Variants in CEP95 observed in about 807,000 individuals in gnomAD.
CEP95 encodes centrosomal protein 95.
Under a neutral mutation model 111.2 loss-of-function variants are expected in CEP95, and 98 were observed. The ratio of observed to expected loss-of-function variants is 0.88; its 90% CI spans 0.75 to 1.04. CEP95 has a LOEUF of 1.04. Ranked by LOEUF, CEP95 falls within the 50% of genes least tolerant of loss-of-function variation. The probability of loss-of-function intolerance (pLI) is 0.00; values close to 1 mark genes in which losing one functional copy is unlikely to be tolerated. For missense variants in CEP95, 1,027 were observed against 977.2 expected (o/e 1.05, Z -0.68); for synonymous variants, 323 against 327.1 (o/e 0.99, Z 0.14).
At chr17:64,512,716 C>T (rs1206145464) in intron 3 of CEP95, among the ~76,000 whole-genome samples, 4 of 152,132 alleles carry the variant, frequency 2.6e-5, no homozygotes, top group Non-Finnish European at 5.9e-5. Flanking sequence ...GAATAAAATA[C>T]TCTTCTGTCT....
At chr17:64,518,120 G>A (rs1598201593) in intron 5 of CEP95, among the ~76,000 whole-genome samples, 1 of 151,998 alleles carries the variant, frequency 6.6e-6, no homozygotes, top group East Asian at 1.9e-4. Context: ...CAAGTGATCC[G>A]CCTGCCTCAG....
chr17:64,531,827 AGAT>A, intron 13 of CEP95, 60 bp from the exon 14 acceptor site: 2 of 1,226,860 alleles, frequency 1.6e-6, no homozygotes, highest in Non-Finnish European at 2.2e-6. Context: ...GTAATATTTA[AGAT>A]GATGTATGAA....
intron 9 of CEP95, 81 bp from the exon 10 acceptor site, chr17:64,525,989 GT>G: frequency 6.6e-7 from 1 of 1,516,992 alleles, no homozygotes; most frequent in Non-Finnish European, 8.9e-7. Flanking sequence ...TGAAGTATTT[GT>G]TAAAGTACGT....
chr17:64,521,333 C>CT, intron 6 of CEP95, 69 bp from the exon 7 acceptor site: 2 of 1,178,402 alleles, frequency 1.7e-6, no homozygotes, highest in Non-Finnish European at 2.4e-6. Context: ...AAACTCTTGG[C>CT]TTTTAGTATA....
At chr17:64,531,845 CTG>C in intron 13 of CEP95, 43 bp from the exon 14 acceptor site, 1 of 1,382,814 alleles carries the variant, frequency 7.2e-7, no homozygotes, top group Non-Finnish European at 9.7e-7. Context: ...TATGAAAGAA[CTG>C]TTAGACCTTT....
At chr17:64,533,055 T>C in intron 15 of CEP95, 47 bp downstream of exon 15, 1 of 1,604,950 alleles carries the variant, frequency 6.2e-7, no homozygotes, top group South Asian at 1.1e-5. Context: ...TGAGAAGAGC[T>C]TATCCTTAAG....
chr17:64,517,323 A>G (rs1555676600), intron 5 of CEP95, among the ~76,000 whole-genome samples: 1 of 152,246 alleles, frequency 6.6e-6, no homozygotes, highest in Non-Finnish European at 1.5e-5. Flanking sequence ...CTGGGATTAC[A>G]GGCATGAGCC....
intron 6 of CEP95, among the ~76,000 whole-genome samples, chr17:64,521,045 C>G (rs1422358120): frequency 6.6e-6 from 1 of 152,050 alleles, no homozygotes; most frequent in East Asian, 1.9e-4. Flanking sequence ...GAGTTCGAGA[C>G]CAGCCTGGCC....
chr17:64,536,973 T>TTA (rs1968697498), intron 18 of CEP95, 68 bp from the exon 19 acceptor site: 14 of 1,443,590 alleles, frequency 9.7e-6, no homozygotes, highest in Middle Eastern at 1.8e-4. Flanking sequence ...CCTGTGAACA[T>TTA]TAAGAAATGT....
At chr17:64,516,123 G>A (rs1373239773) in intron 4 of CEP95, 1 of 152,218 alleles carries the variant, frequency 6.6e-6, no homozygotes, top group Non-Finnish European at 1.5e-5. Context: ...AGAAAAAAAT[G>A]AAGGTGGGTG....
Position 64,514,239 on chromosome 17 carries a change from T to C in CEP95, c.257-9T>C. 2 of 1,108,994 alleles carry C rather than the reference T, an allele frequency of 1.8e-6. No individual in the cohort carries two copies. The highest frequency in any genetic ancestry group is 2.8e-5 in the South Asian group (2 of 72,564). 68.7% of individuals were successfully genotyped at this position (1,108,994 alleles called of 1,614,324 possible). A position where few individuals can be genotyped will look rare whatever the true frequency, so the allele number is the denominator to read the frequency against. On this transcript the variant is annotated splice_polypyrimidine_tract_variant and intron_variant, in intron 3 of 19. Coordinates refer to ENST00000556440, the MANE Select transcript of CEP95 (RefSeq NM_138363.3). ...TAAATTTTTTAATAGCTCTATATTCTGTCTCCAGGAGAAAATATAGTGAAA... is the reference window on the plus strand; with the variant it reads ...TAAATTTTTTAATAGCTCTATATTCCGTCTCCAGGAGAAAATATAGTGAAA...
At chr17:64,513,469 A>G (rs1195659724) in intron 3 of CEP95, among the ~76,000 whole-genome samples, 1 of 152,184 alleles carries the variant, frequency 6.6e-6, no homozygotes, top group Non-Finnish European at 1.5e-5. Flanking sequence ...CAACCTAATC[A>G]TTTATATTAA....
chr17:64,516,644 A>C (rs1966882518), intron 4 of CEP95, 79 bp from the exon 5 acceptor site: 1 of 828,840 alleles, frequency 1.2e-6, no homozygotes, highest in African/African-American at 1.7e-5. Context: ...CACTGTCCTT[A>C]CCTTTCCCTG....
At chr17:64,508,232 C>A (rs1177139470) in intron 1 of CEP95, 1 of 984,928 alleles carries the variant, frequency 1.0e-6, no homozygotes, top group Non-Finnish European at 1.2e-6. Flanking sequence ...TATCATTAAA[C>A]TGTTGTTTAT....
At chr17:64,526,987 A>C in intron 10 of CEP95, 124 bp from the exon 11 acceptor site, 2 of 679,562 alleles carry the variant, frequency 2.9e-6, no homozygotes, top group African/African-American at 3.6e-5. Flanking sequence ...TTAAACATGC[A>C]TAAGCGTCTG....
rs1555677777 is a variant in CEP95 at position 64,521,396 on chromosome 17, T to A, written c.590-6T>A. ...AAAATTTTACCTTTAATATTTTCTTTCCTAGGTGCTCAATGTCCTAATGAA... is the reference window on the plus strand; with the variant it reads ...AAAATTTTACCTTTAATATTTTCTTACCTAGGTGCTCAATGTCCTAATGAA... On this transcript the variant is annotated splice_polypyrimidine_tract_variant and splice_region_variant and intron_variant, in intron 6 of 19. Transcript: ENST00000556440. 6.2e-7 allele frequency: 1 copy of A among 1,600,938 alleles called. No individual in the cohort carries two copies. Among genetic ancestry groups the A allele is most frequent in the East Asian group, 2.2e-5 (1 of 44,766 alleles).
chr17:64,530,636 A>G (rs1162298744), intron 12 of CEP95, among the ~76,000 whole-genome samples: 1 of 151,658 alleles, frequency 6.6e-6, no homozygotes, highest in Admixed American at 6.6e-5. Context: ...AGCCTCCCGA[A>G]TAGCTGGGAT....
intron 15 of CEP95, 44 bp from the exon 16 acceptor site, chr17:64,533,064 AGAATTTAGT>A (rs1372249637): frequency 1.2e-6 from 2 of 1,605,406 alleles, no homozygotes; most frequent in Non-Finnish European, 1.7e-6. Flanking sequence ...CTTATCCTTA[AGAATTTAGT>A]GAACAGCATT....
At chr17:64,507,376 A>G (rs2038608175) in intron 1 of CEP95, 25 of 1,400,710 alleles carry the variant, frequency 1.8e-5, no homozygotes, top group Non-Finnish European at 2.3e-5. Context: ...TGGCTGTAAA[A>G]AGAGCGGTCA....
Sources: allele counts gnomAD v4.1 joint callset (sites outside exome capture counted in the v4.1 genomes callset), GRCh38; gene constraint gnomAD v4.1.1; transcripts MANE v1.5; gene names NCBI Gene and HGNC (gene_info 2026-07-23, HGNC 2026-07-21).